Variants in STXBP6 observed in about 807,000 individuals in gnomAD.
STXBP6 encodes the protein syntaxin binding protein 6, also known as syntaxin-binding protein 6.
STXBP6 carries 21 observed loss-of-function variants against 26.9 expected under a neutral mutation model. The observed-to-expected ratio is 0.78, with a 90% CI of 0.55 to 1.12. STXBP6 has a LOEUF of 1.12. Ranked by LOEUF, STXBP6 falls within the 50% of genes most tolerant of loss-of-function variation. The pLI is 0.00. For missense variants in STXBP6, 232 were observed against 257.9 expected (o/e 0.90, Z 0.69); for synonymous variants, 97 against 92.6 (o/e 1.05, Z -0.27).
intron 2 of STXBP6, among the ~76,000 whole-genome samples, chr14:24,870,217 G>C (rs2069877993): frequency 6.6e-6 from 1 of 152,096 alleles, no homozygotes; most frequent in Non-Finnish European, 1.5e-5. Flanking sequence ...CTCTGCATTG[G>C]AAGGTAACCT....
intron 3 of STXBP6, among the ~76,000 whole-genome samples, chr14:24,856,792 C>T (rs1042740069): frequency 2.0e-5 from 3 of 151,668 alleles, no homozygotes; most frequent in Middle Eastern, 3.2e-3. Context: ...TCAATGTTAC[C>T]GGAGGTCACA....
chr14:24,829,201 A>G (rs534900420), intron 4 of STXBP6, among the ~76,000 whole-genome samples: 165 of 152,310 alleles, frequency 1.1e-3, no homozygotes, highest in Non-Finnish European at 1.7e-3. Context: ...AATTAAACCT[A>G]TGGTGTTGCT....
At chr14:24,966,970 G>A (rs1595210675) in intron 2 of STXBP6, among the ~76,000 whole-genome samples, 1 of 152,174 alleles carries the variant, frequency 6.6e-6, no homozygotes, top group African/African-American at 2.4e-5. Context: ...CACTAAAGCC[G>A]TATGAGAGGG....
At chr14:24,927,505 A>G (rs1327480332) in intron 2 of STXBP6, among the ~76,000 whole-genome samples, 3 of 152,234 alleles carry the variant, frequency 2.0e-5, no homozygotes, top group African/African-American at 7.2e-5. Context: ...CCCTAGGAGT[A>G]ATATCACTCA....
chr14:25,030,127 CA>C (rs1403285298), intron 1 of STXBP6, among the ~76,000 whole-genome samples: 1 of 152,210 alleles, frequency 6.6e-6, no homozygotes, highest in Non-Finnish European at 1.5e-5. Context: ...CAAATGACTA[CA>C]ATGGCATCCC....
chr14:24,967,638 CT>C (rs1236682454), intron 2 of STXBP6, among the ~76,000 whole-genome samples: 1 of 152,154 alleles, frequency 6.6e-6, no homozygotes, highest in East Asian at 1.9e-4. Flanking sequence ...TTTTTATTGC[CT>C]TGTCTTCTAG....
intron 4 of STXBP6, among the ~76,000 whole-genome samples, chr14:24,823,382 C>T (rs902228410): frequency 6.6e-6 from 1 of 152,122 alleles, no homozygotes; most frequent in Non-Finnish European, 1.5e-5. Flanking sequence ...TTAAGAAGCA[C>T]ATGCAATACA....
chr14:25,035,978 G>A (rs1299502407), intron 1 of STXBP6, among the ~76,000 whole-genome samples: 4 of 152,100 alleles, frequency 2.6e-5, no homozygotes, highest in African/African-American at 9.7e-5. Flanking sequence ...AGCACTTTGG[G>A]AGACTGAGGT....
At chr14:25,007,337 C>T (rs1414431566) in intron 1 of STXBP6, among the ~76,000 whole-genome samples, 3 of 152,162 alleles carry the variant, frequency 2.0e-5, no homozygotes, top group African/African-American at 7.2e-5. Context: ...TGCTAAGAGG[C>T]GTGGGGTAAA....
chr14:24,846,399 C>T (rs712492), intron 4 of STXBP6, among the ~76,000 whole-genome samples: 11,794 of 152,106 alleles, frequency 0.078, 576 homozygotes, highest in East Asian at 0.21. Flanking sequence ...GAATGACTAA[C>T]ACGTTATGCC....
chr14:24,819,397 A>G (rs1214978358), intron 4 of STXBP6: 22 of 623,194 alleles, frequency 3.5e-5, no homozygotes, highest in Non-Finnish European at 5.1e-5. Flanking sequence ...TGACTGCAGG[A>G]CCTAGGAAAA....
intron 1 of STXBP6, among the ~76,000 whole-genome samples, chr14:24,984,174 G>A (rs1250814137): frequency 6.6e-6 from 1 of 152,176 alleles, no homozygotes; most frequent in Non-Finnish European, 1.5e-5. Context: ...GGAGGTTGCA[G>A]TGAGCCGAGA....
chr14:24,965,138 C>T (rs1182815425), intron 2 of STXBP6, among the ~76,000 whole-genome samples: 2 of 151,910 alleles, frequency 1.3e-5, no homozygotes, highest in Non-Finnish European at 2.9e-5. Flanking sequence ...TTAAAAATGG[C>T]GGGTCAGAAT....
At position 24,934,771 on chromosome 14, in the gene STXBP6, T is replaced by C. The variant is rs566531336; in HGVS notation, c.154+39894A>G. Among the ~76,000 whole-genome samples the C allele has an allele frequency of 1.7e-3, 257 of 152,194 alleles. 1 individual carries two copies. Among genetic ancestry groups the C allele is most frequent in the African/African-American group, 5.9e-3 (245 of 41,542 alleles). ...GGCATAGGAGGAAAAATAAGAAGTA[T>C]AATAATTTGTTTATAAAATCAATAA... On this transcript the variant is annotated intron_variant, in intron 2 of 5. Transcript: ENST00000323944.
At chr14:24,829,538 A>T (rs1022223352) in intron 4 of STXBP6, among the ~76,000 whole-genome samples, 1 of 152,154 alleles carries the variant, frequency 6.6e-6, no homozygotes, top group Admixed American at 6.5e-5. Flanking sequence ...TTACCCATAC[A>T]TCTCTTTTCT....
Position 24,829,538 on chromosome 14 carries a change from A to G in STXBP6, c.452-10344T>C, listed in dbSNP as rs1022223352. On this transcript the variant is annotated intron_variant, in intron 4 of 5. Coordinates refer to ENST00000323944, the MANE Select transcript of STXBP6 (RefSeq NM_001394410.1). ...ATATAATCAGCATCTTTACCCATAC[A>G]TCTCTTTTCTTGCCTCTGAGACTTT... Among the ~76,000 whole-genome samples the G allele has an allele frequency of 7.2e-5, 11 of 152,272 alleles. No individual in the cohort carries two copies. The East Asian group carries it at 2.1e-3, about 29-fold the overall frequency.
intron 1 of STXBP6, among the ~76,000 whole-genome samples, chr14:25,006,853 CAA>C (rs770086960): frequency 2.2e-5 from 3 of 137,936 alleles, no homozygotes; most frequent in Non-Finnish European, 3.2e-5. Flanking sequence ...AATTTTTCAC[CAA>C]AAAAAAAAAA....
intron 2 of STXBP6, among the ~76,000 whole-genome samples, chr14:24,889,540 A>T (rs1358847406): frequency 6.6e-6 from 1 of 150,764 alleles, no homozygotes; most frequent in African/African-American, 2.4e-5. Flanking sequence ...CATTGTGCAC[A>T]TGTACCCTAA....
intron 1 of STXBP6, among the ~76,000 whole-genome samples, chr14:25,047,721 G>A (rs746897392): frequency 1.1e-4 from 17 of 152,220 alleles, no homozygotes; most frequent in Non-Finnish European, 2.2e-4. Flanking sequence ...TCAGGAGCCT[G>A]TGTGAACCCT....
Sources: allele counts gnomAD v4.1 joint callset (sites outside exome capture counted in the v4.1 genomes callset), GRCh38; gene constraint gnomAD v4.1.1; transcripts MANE v1.5; gene names NCBI Gene and HGNC (gene_info 2026-07-23, HGNC 2026-07-21).